AKNAD1: variants seen among roughly 807,000 people sequenced by gnomAD.
AKNAD1 encodes protein AKNAD1.
AKNAD1 carries 67 observed loss-of-function variants against 90.8 expected under a neutral mutation model. That is an observed-to-expected ratio of 0.74 (90% CI 0.61 to 0.90). The LOEUF is 0.90. AKNAD1 is among the 40% of genes least tolerant of loss of function. The probability of loss-of-function intolerance (pLI) is 0.00; values close to 1 mark genes in which losing one functional copy is unlikely to be tolerated. For missense variants in AKNAD1, 957 were observed against 975.4 expected, an observed-to-expected ratio of 0.98 and a Z score of 0.25; for synonymous variants, 327 against 341.4, an observed-to-expected ratio of 0.96 and a Z score of 0.46.
intron 6 of AKNAD1, among the ~76,000 whole-genome samples, chr1:108,838,457 T>C (rs1024991363): frequency 2.0e-5 from 3 of 152,016 alleles, no homozygotes; most frequent in African/African-American, 7.2e-5. Context: ...GGAAAACCAA[T>C]GTAATGCAGT....
chr1:108,825,312 T>C (rs1304135987), intron 11 of AKNAD1, among the ~76,000 whole-genome samples: 1 of 151,720 alleles, frequency 6.6e-6, no homozygotes, highest in African/African-American at 2.4e-5. Context: ...CTGGGATACT[T>C]TGTTACACAG....
chr1:108,818,690 T>C (rs545551601), intron 14 of AKNAD1, among the ~76,000 whole-genome samples: 117 of 152,078 alleles, frequency 7.7e-4, no homozygotes, highest in Non-Finnish European at 1.4e-3. Context: ...CGGCCAGGCA[T>C]GGTGGCTCAC....
chr1:108,836,489 TG>T (rs1253618043), intron 7 of AKNAD1, among the ~76,000 whole-genome samples: 1 of 111,508 alleles, frequency 9.0e-6, no homozygotes, highest in East Asian at 2.6e-4. Flanking sequence ...TTGGGGGGCT[TG>T]GGGGTGAGGA....
chr1:108,833,769 G>C (rs1461607103), intron 9 of AKNAD1, among the ~76,000 whole-genome samples: 1 of 150,162 alleles, frequency 6.7e-6, no homozygotes, highest in East Asian at 1.9e-4. Flanking sequence ...GAGCTTACAG[G>C]GTTACTCCTC....
intron 6 of AKNAD1, among the ~76,000 whole-genome samples, chr1:108,840,374 C>T (rs1664514880): frequency 1.3e-5 from 2 of 151,992 alleles, no homozygotes; most frequent in South Asian, 4.1e-4. Flanking sequence ...AGTAATAAAC[C>T]TAACAAAAAA....
intron 5 of AKNAD1, among the ~76,000 whole-genome samples, chr1:108,846,026 A>G (rs1393415850): frequency 6.6e-6 from 1 of 152,234 alleles, no homozygotes; most frequent in Non-Finnish European, 1.5e-5. Flanking sequence ...ACAATTTCCT[A>G]GGCAGAAGTG....
chr1:108,843,772 G>A (rs533000303), intron 5 of AKNAD1, among the ~76,000 whole-genome samples: 4 of 152,298 alleles, frequency 2.6e-5, no homozygotes, highest in African/African-American at 9.6e-5. Context: ...TCAGTCTGTG[G>A]GGAGTTGGAG....
At chr1:108,843,320 T>C (rs1664608241) in intron 5 of AKNAD1, 53 bp from the exon 6 acceptor site, 3 of 1,599,414 alleles carry the variant, frequency 1.9e-6, no homozygotes, top group African/African-American at 2.7e-5. Context: ...TGTGTGTAAT[T>C]GTTTTCCCAA....
At chr1:108,846,959 A>G (rs914810) in intron 5 of AKNAD1, among the ~76,000 whole-genome samples, 89,093 of 151,710 alleles carry the variant, frequency 0.59, 28,606 homozygotes, top group East Asian at 0.77. Context: ...AGCTCATCCA[A>G]GCCTCTTCCC....
chr1:108,827,174 A>C, intron 11 of AKNAD1, 31 bp downstream of exon 11: 1 of 1,560,122 alleles, frequency 6.4e-7, no homozygotes, highest in Non-Finnish European at 8.8e-7. Context: ...ACACTGAAAA[A>C]TGAGCACCCA....
chr1:108,823,786 G>C, intron 11 of AKNAD1, 98 bp from the exon 12 acceptor site: 1 of 1,557,210 alleles, frequency 6.4e-7, no homozygotes, highest in Non-Finnish European at 8.7e-7. Context: ...CAGGGTATGT[G>C]TTTGGCACCA....
At chr1:108,818,493 A>G (rs925409454) in intron 14 of AKNAD1, among the ~76,000 whole-genome samples, 1 of 152,202 alleles carries the variant, frequency 6.6e-6, no homozygotes, top group Non-Finnish European at 1.5e-5. Context: ...TGTCAACAGT[A>G]TAACAGCCAT....
intron 5 of AKNAD1, among the ~76,000 whole-genome samples, chr1:108,847,756 C>G (rs2101210594): frequency 6.6e-6 from 1 of 152,352 alleles, no homozygotes; most frequent in South Asian, 2.1e-4. Context: ...TCCAGGAAGC[C>G]TTCCAAATGT....
At chr1:108,827,685 G>A (rs1307789849) in intron 10 of AKNAD1, among the ~76,000 whole-genome samples, 1 of 150,744 alleles carries the variant, frequency 6.6e-6, no homozygotes, top group Non-Finnish European at 1.5e-5. Flanking sequence ...GCCGTAGTGG[G>A]TGCCTGTAGT....
chr1:108,827,143 G>T, intron 11 of AKNAD1, 62 bp downstream of exon 11: 1 of 1,253,280 alleles, frequency 8.0e-7, no homozygotes, highest in South Asian at 1.2e-5. Flanking sequence ...TGCCTACTGC[G>T]AGCAGACCCC....
At chr1:108,846,787 C>G (rs1293811509) in intron 5 of AKNAD1, among the ~76,000 whole-genome samples, 1 of 152,156 alleles carries the variant, frequency 6.6e-6, no homozygotes, top group Non-Finnish European at 1.5e-5. Flanking sequence ...ACTGGTCTAA[C>G]TGCCTACTGG....
In AKNAD1 at chr1:108,842,206, A is replaced by G. The variant is rs371017076; in HGVS notation, c.1379+928T>C. Among the ~76,000 whole-genome samples, 9 of 152,330 alleles carry G rather than the reference A, an allele frequency of 5.9e-5. No individual in the cohort carries two copies. The South Asian group carries it at 1.9e-3, about 32-fold the overall frequency. On this transcript the variant is annotated intron_variant, in intron 6 of 15. Transcript: ENST00000370001. Reference sequence around the variant, plus strand: ...GACAGAGGTTCCATTAATTTTGGAAAAGTAAAACCATACCTTGGGGAAAAA... The same window carrying G: ...GACAGAGGTTCCATTAATTTTGGAAGAGTAAAACCATACCTTGGGGAAAAA...
rs1035966026 is a variant in AKNAD1, at chr1:108,851,796, G to A, written c.869C>T (p.Ser290Phe). Residue 290 changes from serine (S) to phenylalanine (F), a missense_variant, in exon 2 of 16, where the codon TCC becomes TTC. Coordinates refer to ENST00000370001, the MANE Select transcript of AKNAD1 (RefSeq NM_152763.5). ...AAGAGTGGGTTTATCTCTCGACTTG[G>A]AAGAAAAGCTGGCTTGTTTAGCTAT... ...LAIAKQASFSSKSRDKPTLVQ... is the reference protein window; with the variant it reads ...LAIAKQASFSFKSRDKPTLVQ... 1 of 1,614,146 alleles carries A rather than the reference G, an allele frequency of 6.2e-7. No individual in the cohort carries two copies.
intron 2 of AKNAD1, among the ~76,000 whole-genome samples, chr1:108,850,167 A>T (rs1203138440): frequency 2.0e-5 from 3 of 152,184 alleles, no homozygotes; most frequent in African/African-American, 7.2e-5. Context: ...AGAGTGATTC[A>T]CCTTGTGGGG....
Sources: allele counts gnomAD v4.1 joint callset (sites outside exome capture counted in the v4.1 genomes callset), GRCh38; gene constraint gnomAD v4.1.1; transcripts MANE v1.5; gene names NCBI Gene and HGNC (gene_info 2026-07-23, HGNC 2026-07-21).